Variants in RBFOX1 observed in about 807,000 individuals in gnomAD.
RBFOX1 encodes RNA binding protein fox-1 homolog 1.
A neutral mutation model predicts 57.7 loss-of-function variants in RBFOX1; 8 were observed. The ratio of observed to expected loss-of-function variants is 0.14; its 90% CI spans 0.08 to 0.25. The LOEUF is 0.25. Among genes scored for constraint, RBFOX1 ranks in the 10% least tolerant of loss-of-function variants. The pLI, the probability that RBFOX1 is intolerant of heterozygous loss-of-function variation, is 1.00. For synonymous variants in RBFOX1, 326 were observed against 222.4 expected, an observed-to-expected ratio of 1.47 and a Z score of -4.15; for missense variants, 611 against 548.5, an observed-to-expected ratio of 1.11 and a Z score of -1.14.
At chr16:5,911,625 A>T (rs1417355962) in intron 4 of RBFOX1, among the ~76,000 whole-genome samples, 1 of 152,166 alleles carries the variant, frequency 6.6e-6, no homozygotes, top group Non-Finnish European at 1.5e-5. Context: ...GTTTGGGCTG[A>T]TGTAACAAAA....
chr16:6,638,163 G>T (rs184964512), intron 2 of RBFOX1, among the ~76,000 whole-genome samples: 1 of 152,144 alleles, frequency 6.6e-6, no homozygotes, highest in African/African-American at 2.4e-5. Context: ...ATTTTTAATT[G>T]TCTTCTTGCA....
chr16:5,551,994 T>G (rs2045484392), intron 2 of RBFOX1, among the ~76,000 whole-genome samples: 1 of 152,190 alleles, frequency 6.6e-6, no homozygotes, highest in African/African-American at 2.4e-5. Context: ...GCTCAGCTCC[T>G]TTTTATTATT....
intron 3 of RBFOX1, among the ~76,000 whole-genome samples, chr16:5,768,893 C>T (rs1158406324): frequency 6.6e-6 from 1 of 151,846 alleles, no homozygotes; most frequent in East Asian, 1.9e-4. Flanking sequence ...TGTTTGTTTT[C>T]CCCCTGTAAC....
chr16:7,591,256 C>A (rs1009690558), intron 7 of RBFOX1, among the ~76,000 whole-genome samples: 1 of 152,140 alleles, frequency 6.6e-6, no homozygotes, highest in African/African-American at 2.4e-5. Flanking sequence ...ATAGTCCCAT[C>A]GGAAAATGAA....
At chr16:7,672,521 A>G (rs9934225) in intron 13 of RBFOX1, among the ~76,000 whole-genome samples, 81,134 of 151,892 alleles carry the variant, frequency 0.53, 22,891 homozygotes, top group Non-Finnish European at 0.63. Context: ...ATGAACTTTC[A>G]CTGTCACATT....
At chr16:6,789,862 A>C (rs2082608416) in intron 3 of RBFOX1, among the ~76,000 whole-genome samples, 1 of 151,756 alleles carries the variant, frequency 6.6e-6, no homozygotes, top group South Asian at 2.1e-4. Context: ...GTGGTTAGCT[A>C]CTTTTTTTCT....
At chr16:5,395,750 A>G (rs961586079) in intron 1 of RBFOX1, among the ~76,000 whole-genome samples, 1 of 152,222 alleles carries the variant, frequency 6.6e-6, no homozygotes, top group African/African-American at 2.4e-5. Context: ...CCATCTTCCC[A>G]GCAGACTCGC....
At chr16:6,301,597 C>T (rs1372560448) in intron 1 of RBFOX1, among the ~76,000 whole-genome samples, 1 of 151,860 alleles carries the variant, frequency 6.6e-6, no homozygotes, top group Non-Finnish European at 1.5e-5. Flanking sequence ...GGAAGGCTAC[C>T]CGTGTCTGAG....
At chr16:5,969,052 C>T (rs1338390444) in intron 4 of RBFOX1, among the ~76,000 whole-genome samples, 3 of 151,684 alleles carry the variant, frequency 2.0e-5, no homozygotes, top group African/African-American at 7.3e-5. Context: ...TCTTTTATTT[C>T]TTTGCCTTAG....
At chr16:6,844,470 G>C (rs899679599) in intron 3 of RBFOX1, among the ~76,000 whole-genome samples, 1 of 152,052 alleles carries the variant, frequency 6.6e-6, no homozygotes, top group African/African-American at 2.4e-5. Context: ...TCCTGCGTTA[G>C]TTATCTTCCA....
intron 4 of RBFOX1, among the ~76,000 whole-genome samples, chr16:5,969,806 A>AC (rs1567203931): frequency 6.7e-6 from 1 of 149,212 alleles, no homozygotes; most frequent in East Asian, 2.0e-4. Context: ...ACTTTGTTTC[A>AC]TTTTTTTTTC....
chr16:6,527,634 C>T (rs78630705), intron 2 of RBFOX1, among the ~76,000 whole-genome samples: 27 of 152,214 alleles, frequency 1.8e-4, no homozygotes, highest in Admixed American at 9.8e-4. Context: ...ACCCCCTTAT[C>T]TTGAGGACTG....
chr16:7,072,502 A>G (rs1291735797), intron 4 of RBFOX1, among the ~76,000 whole-genome samples: 2 of 152,236 alleles, frequency 1.3e-5, no homozygotes, highest in Non-Finnish European at 2.9e-5. Context: ...AGTAGAAACT[A>G]AATATTAATA....
intron 1 of RBFOX1, among the ~76,000 whole-genome samples, chr16:5,399,426 G>C (rs1259200010): frequency 6.6e-6 from 1 of 152,156 alleles, no homozygotes. Context: ...TTGGGAAATG[G>C]AAAATAAAGG....
chr16:6,512,912 T>C (rs891986442), intron 2 of RBFOX1, among the ~76,000 whole-genome samples: 2 of 152,210 alleles, frequency 1.3e-5, no homozygotes, highest in African/African-American at 4.8e-5. Flanking sequence ...ATGTCAACTC[T>C]GCATTGGCCT....
intron 3 of RBFOX1, among the ~76,000 whole-genome samples, chr16:6,862,981 T>G (rs1269351221): frequency 2.7e-5 from 4 of 147,356 alleles, no homozygotes; most frequent in Admixed American, 2.7e-4. Context: ...GGAGACTCTG[T>G]CTAAAAAAAA....
chr16:6,345,306 C>T (rs538231398), intron 2 of RBFOX1, among the ~76,000 whole-genome samples: 3 of 152,274 alleles, frequency 2.0e-5, no homozygotes, highest in East Asian at 1.9e-4. Context: ...GAGCAGGGCT[C>T]CCCCTATAGG....
intron 3 of RBFOX1, among the ~76,000 whole-genome samples, chr16:6,977,487 C>T (rs539739653): frequency 1.3e-4 from 20 of 152,152 alleles, no homozygotes; most frequent in African/African-American, 4.6e-4. Context: ...GAATGCAGCC[C>T]AGCAAGTCCC....
intron 1 of RBFOX1, among the ~76,000 whole-genome samples, chr16:5,314,445 T>G (rs2064176969): frequency 6.6e-6 from 1 of 152,246 alleles, no homozygotes. Flanking sequence ...GGCTGACCGC[T>G]TCACTAGGTG....
Sources: allele counts gnomAD v4.1 joint callset (sites outside exome capture counted in the v4.1 genomes callset), GRCh38; gene constraint gnomAD v4.1.1; transcripts MANE v1.5; gene names NCBI Gene and HGNC (gene_info 2026-07-23, HGNC 2026-07-21).